The following CFAP144 variants were observed in gnomAD, a reference collection of about 807,000 sequenced individuals.
CFAP144 encodes cilia and flagella associated protein 144, also known as cilia- and flagella-associated protein 144.
the CFAP144 span, among the ~76,000 whole-genome samples, chr1:43,152,009 A>G: frequency 6.6e-6 from 1 of 152,150 alleles, no homozygotes. Flanking sequence ...GCCCAGTGTC[A>G]GTCCCTTGAA....
chr1:43,153,032 C>A, the CFAP144 span: 1 of 1,433,540 alleles, frequency 7.0e-7, no homozygotes, highest in Non-Finnish European at 9.5e-7. Flanking sequence ...TGGGCTTGAA[C>A]CTGGCTACCT....
At chr1:43,152,809 C>T in the CFAP144 span, 4 of 1,597,496 alleles carry the variant, frequency 2.5e-6, no homozygotes, top group African/African-American at 5.4e-5. Flanking sequence ...TCCTTCATAA[C>T]TCATACCTCG....
At chr1:43,155,075 A>G in the CFAP144 span, among the ~76,000 whole-genome samples, 1 of 152,220 alleles carries the variant, frequency 6.6e-6, no homozygotes, top group Non-Finnish European at 1.5e-5. Context: ...TGGACAATGT[A>G]GAGGAAATGG....
chr1:43,151,454 C>T, the CFAP144 span, among the ~76,000 whole-genome samples: 1 of 152,152 alleles, frequency 6.6e-6, no homozygotes, highest in South Asian at 2.1e-4. Flanking sequence ...GATGTGAGAA[C>T]AGCATAGGAA....
At chr1:43,152,185 T>A in the CFAP144 span, among the ~76,000 whole-genome samples, 1 of 152,156 alleles carries the variant, frequency 6.6e-6, no homozygotes, top group Non-Finnish European at 1.5e-5. Context: ...GTCTCTCCGG[T>A]GGAGACTCGA....
the CFAP144 span, chr1:43,150,880 GAGACCTCT>G: frequency 7.1e-7 from 1 of 1,402,092 alleles, no homozygotes; most frequent in Non-Finnish European, 9.9e-7. Context: ...GCTGGCTGGA[GAGACCTCT>G]CAGGGTCGTG....
At chr1:43,146,265 A>G in the CFAP144 span, among the ~76,000 whole-genome samples, 1 of 152,222 alleles carries the variant, frequency 6.6e-6, no homozygotes, top group Admixed American at 6.5e-5. Context: ...TTTATATTCA[A>G]ACGTTGAATC....
the CFAP144 span, chr1:43,150,911 A>G: frequency 9.3e-7 from 1 of 1,072,690 alleles, no homozygotes; most frequent in East Asian, 2.6e-5. Context: ...ATCTTGGAGC[A>G]AGCATCAGAG....
chr1:43,149,890 C>G, the CFAP144 span, among the ~76,000 whole-genome samples: 1 of 152,114 alleles, frequency 6.6e-6, no homozygotes, highest in South Asian at 2.1e-4. Flanking sequence ...AGCTTGGAGA[C>G]CACTGGTTTC....
chr1:43,148,253 T>C, the CFAP144 span, among the ~76,000 whole-genome samples: 4 of 152,154 alleles, frequency 2.6e-5, no homozygotes, highest in Non-Finnish European at 4.4e-5. Flanking sequence ...CCACATCATA[T>C]CAGATGTATT....
chr1:43,155,498 A>G, the CFAP144 span, among the ~76,000 whole-genome samples: 2 of 152,214 alleles, frequency 1.3e-5, no homozygotes, highest in African/African-American at 4.8e-5. Context: ...GGGTCTGCAA[A>G]TATTCCATGC....
chr1:43,143,534 T>A, the CFAP144 span, among the ~76,000 whole-genome samples: 1 of 151,956 alleles, frequency 6.6e-6, no homozygotes, highest in Non-Finnish European at 1.5e-5. Flanking sequence ...AAACCAGGAA[T>A]GGTCAGCAGA....
At chr1:43,148,139 G>A in the CFAP144 span, 2 of 1,577,418 alleles carry the variant, frequency 1.3e-6, no homozygotes, top group African/African-American at 1.4e-5. Flanking sequence ...GCCGGGGAAG[G>A]AGGAGCCCTC....
chr1:43,147,552 G>A, the CFAP144 span, among the ~76,000 whole-genome samples: 1 of 152,172 alleles, frequency 6.6e-6, no homozygotes, highest in African/African-American at 2.4e-5. Context: ...AGGTGGGAGA[G>A]GTTTCTGACT....
chr1:43,147,574 C>CT, the CFAP144 span, among the ~76,000 whole-genome samples: 10 of 152,130 alleles, frequency 6.6e-5, no homozygotes, highest in African/African-American at 9.7e-5. Context: ...CTTCCAAAAG[C>CT]TTTTTTAGGA....
chr1:43,150,215 C>T, the CFAP144 span, among the ~76,000 whole-genome samples: 1 of 152,178 alleles, frequency 6.6e-6, no homozygotes, highest in Non-Finnish European at 1.5e-5. Flanking sequence ...TCAGGGGACA[C>T]AAGAGCCAGC....
chr1:43,155,123 G>C, the CFAP144 span, among the ~76,000 whole-genome samples: 1 of 152,156 alleles, frequency 6.6e-6, no homozygotes, highest in African/African-American at 2.4e-5. Context: ...AGTAATTCAG[G>C]GTTCCTGAGT....
the CFAP144 span, chr1:43,156,355 G>A: frequency 3.5e-6 from 5 of 1,432,718 alleles, no homozygotes; most frequent in African/African-American, 5.6e-5. Context: ...AATGCCTTAA[G>A]TGTGCACAGC....
the CFAP144 span, among the ~76,000 whole-genome samples, chr1:43,151,773 G>T: frequency 1.3e-5 from 2 of 152,124 alleles, no homozygotes; most frequent in African/African-American, 2.4e-5. Context: ...GATGGGAAGT[G>T]GGGGAGCAGA....
Sources: allele counts gnomAD v4.1 joint callset (sites outside exome capture counted in the v4.1 genomes callset), GRCh38; gene constraint gnomAD v4.1.1; transcripts MANE v1.5; gene names NCBI Gene and HGNC (gene_info 2026-07-23, HGNC 2026-07-21).